The following ADAMTSL3 variants were observed in gnomAD, a reference collection of about 807,000 sequenced individuals.
The protein encoded by ADAMTSL3 is ADAMTS like 3, also known as ADAMTS-like protein 3.
In ADAMTSL3, 128 loss-of-function variants were observed where a neutral mutation model predicts 201.7. The ratio of observed to expected loss-of-function variants is 0.63; its 90% confidence interval spans 0.55 to 0.73. ADAMTSL3 has a LOEUF of 0.73. Among genes scored for constraint, ADAMTSL3 ranks in the 30% least tolerant of loss-of-function variants. The probability of loss-of-function intolerance (pLI) is 0.00; values close to 1 mark genes in which losing one functional copy is unlikely to be tolerated. For synonymous variants in ADAMTSL3, 738 were observed against 748.4 expected (o/e 0.99, Z 0.23); for missense variants, 1,990 against 2,119.6 (o/e 0.94, Z 1.20).
chr15:83,801,663 T>TATATAAATATAA lies in ADAMTSL3; in HGVS notation c.318-2982_318-2981insAATATAAATATA, dbSNP rs1567154095. Among the ~76,000 whole-genome samples the TATATAAATATAA allele has an allele frequency of 3.0e-3, 130 of 43,508 alleles. 1 individual carries two copies. The highest frequency in any genetic ancestry group is 0.011 in the African/African-American group (126 of 11,450). The allele number at this position is 43,508 out of a possible 152,430, so 28.5% of individuals were successfully genotyped here. On this transcript the variant is annotated intron_variant, in intron 4 of 29. Coordinates refer to ENST00000286744, the MANE Select transcript of ADAMTSL3 (RefSeq NM_207517.3). Reference sequence around the variant, plus strand: ...ATATATAAATATAAATATATATATATATATATATATATATATATATATATA... The same window carrying TATATAAATATAA: ...ATATATAAATATAAATATATATATATATATAAATATAAATATATATATATATATATATATATA...
Position 83,890,139 on chromosome 15 carries a change from A to G in ADAMTSL3, c.1103A>G (p.Asp368Gly). 6.2e-7 allele frequency: 1 copy of G among 1,613,582 alleles called. No individual in the cohort carries two copies. The highest frequency in any genetic ancestry group is 8.5e-7 in the Non-Finnish European group (1 of 1,179,754). Reference protein sequence around the residue: ...GYQLNSAECVDIRLKRVVPDH... With the variant: ...GYQLNSAECVGIRLKRVVPDH... ...CAGCTCAATTCTGCTGAATGTGTGG[A>G]TATCCGCTTGAAGAGGGTAGTTCCT... Residue 368 changes from aspartate to glycine, a missense_variant, in exon 11 of 30, where the codon GAT (aspartate) becomes GGT (glycine). By Grantham distance (94) the Asp-to-Gly change is moderately conservative. Coordinates refer to ENST00000286744, the MANE Select transcript of ADAMTSL3 (RefSeq NM_207517.3).
intron 6 of ADAMTSL3, among the ~76,000 whole-genome samples, chr15:83,833,929 A>G (rs1477872770): frequency 1.3e-5 from 2 of 152,214 alleles, no homozygotes; most frequent in Admixed American, 6.5e-5. Context: ...AGAAAACTGG[A>G]TTTTAATGTG....
At chr15:83,938,286 C>T (rs141084227) in intron 17 of ADAMTSL3, among the ~76,000 whole-genome samples, 162 of 152,252 alleles carry the variant, frequency 1.1e-3, no homozygotes, top group African/African-American at 3.5e-3. Context: ...CACTTCCACT[C>T]GGTGGTGGGC....
At chr15:83,764,159 T>G (rs1232982763) in intron 3 of ADAMTSL3, among the ~76,000 whole-genome samples, 2 of 152,190 alleles carry the variant, frequency 1.3e-5, no homozygotes, top group Admixed American at 6.5e-5. Context: ...CTCCAGACAC[T>G]GGTAAATCTA....
intron 9 of ADAMTSL3, among the ~76,000 whole-genome samples, chr15:83,884,831 A>G (rs1025824034): frequency 2.0e-5 from 3 of 152,148 alleles, no homozygotes; most frequent in Admixed American, 6.5e-5. Context: ...AAAAAAGTCT[A>G]CCTACATTTT....
intron 6 of ADAMTSL3, among the ~76,000 whole-genome samples, chr15:83,837,690 T>TC (rs2064301505): frequency 6.6e-6 from 1 of 151,178 alleles, no homozygotes; most frequent in Non-Finnish European, 1.5e-5. Context: ...TGATCCCAGC[T>TC]ACTTGGGAGG....
chr15:83,822,876 T>C (rs1360899457), intron 6 of ADAMTSL3, among the ~76,000 whole-genome samples: 1 of 151,646 alleles, frequency 6.6e-6, no homozygotes, highest in African/African-American at 2.4e-5. Flanking sequence ...CGAGCCGAGA[T>C]CACGCCACTG....
At chr15:83,766,710 G>A (rs1596167454) in intron 3 of ADAMTSL3, among the ~76,000 whole-genome samples, 1 of 152,190 alleles carries the variant, frequency 6.6e-6, no homozygotes, top group South Asian at 2.1e-4. Context: ...GACAGAAAGC[G>A]CTTCTGCCTA....
Position 83,894,154 on chromosome 15 carries a change from T to A in ADAMTSL3, c.1467+1266T>A, listed in dbSNP as rs552052521. ...TGGAATGATTCACTCCATCTGAAGGTGTCAGGAAAGCTTCAGAAAGGAGGT... is the reference window on the plus strand; with the variant it reads ...TGGAATGATTCACTCCATCTGAAGGAGTCAGGAAAGCTTCAGAAAGGAGGT... On this transcript the variant is annotated intron_variant, in intron 13 of 29. Coordinates refer to ENST00000286744, the MANE Select transcript of ADAMTSL3 (RefSeq NM_207517.3). Among the ~76,000 whole-genome samples, 12 of 152,298 alleles carry A rather than the reference T, an allele frequency of 7.9e-5. 1 individual carries two copies. The South Asian group carries it at 2.5e-3, about 32-fold the overall frequency.
intron 18 of ADAMTSL3, 50 bp downstream of exon 18, chr15:83,942,838 G>T: frequency 6.2e-7 from 1 of 1,605,174 alleles, no homozygotes; most frequent in Non-Finnish European, 8.5e-7. Flanking sequence ...GACTGTGAGA[G>T]GCCCTGCACT....
At chr15:83,872,243 G>A (rs1167558581) in intron 9 of ADAMTSL3, among the ~76,000 whole-genome samples, 11 of 151,648 alleles carry the variant, frequency 7.3e-5, no homozygotes, top group Admixed American at 7.2e-4. Flanking sequence ...AGCAATAAGT[G>A]ACTGTAACTG....
At chr15:83,674,597 T>A (rs2061368648) in intron 2 of ADAMTSL3, among the ~76,000 whole-genome samples, 1 of 150,954 alleles carries the variant, frequency 6.6e-6, no homozygotes, top group South Asian at 2.1e-4. Context: ...ATTCTTTGCA[T>A]TTCCATGTAA....
Position 83,773,534 on chromosome 15 carries a change from C to T in ADAMTSL3, c.201C>T (p.Asn67=), listed in dbSNP as rs150289967. ...TYRYDDQTSR[N]TRSDEDKDGN... ...TTTTTAACATCTAGACCTCAAGAAA[C>T]ACTCGTTCAGATGAAGACAAAGATG... is the stretch of plus-strand genomic sequence containing the variant. The change falls in exon 4 of 30, where the codon AAC becomes AAT. Residue 67 remains asparagine (N), a synonymous_variant. Coordinates refer to ENST00000286744, the MANE Select transcript of ADAMTSL3 (RefSeq NM_207517.3). 1.7e-5 allele frequency: 27 copies of T among 1,611,198 alleles called. No individual in the cohort carries two copies. The African/African-American group carries it at 2.1e-4, about 13-fold the overall frequency.
chr15:83,846,930 C>T (rs2064510069), intron 7 of ADAMTSL3, among the ~76,000 whole-genome samples: 1 of 152,236 alleles, frequency 6.6e-6, no homozygotes, highest in Non-Finnish European at 1.5e-5. Context: ...CCATCTCCTG[C>T]ATGCTGTTCC....
intron 19 of ADAMTSL3, 64 bp from the exon 20 acceptor site, chr15:83,970,420 C>A: frequency 6.3e-7 from 1 of 1,591,076 alleles, no homozygotes; most frequent in Non-Finnish European, 8.6e-7. Flanking sequence ...GGAGACTTTG[C>A]TGTTGTTGGC....
At chr15:83,807,128 C>T (rs1202183653) in intron 5 of ADAMTSL3, among the ~76,000 whole-genome samples, 2 of 152,060 alleles carry the variant, frequency 1.3e-5, no homozygotes, top group Non-Finnish European at 2.9e-5. Flanking sequence ...ATAAATTTAA[C>T]CAAGAAGGTA....
rs868163419 is a variant in ADAMTSL3 at position 83,798,816 on chromosome 15, A to C, written c.318-5834A>C. Among the ~76,000 whole-genome samples, 1,362 of 151,106 alleles carry C rather than the reference A, an allele frequency of 9.0e-3. 31 individuals carry two copies. The highest frequency in any genetic ancestry group is 0.031 in the African/African-American group (1,274 of 41,156). On this transcript the variant is annotated intron_variant, in intron 4 of 29. Coordinates refer to ENST00000286744, the MANE Select transcript of ADAMTSL3 (RefSeq NM_207517.3). Reference sequence around the variant, plus strand: ...AGTGGGACTCCGTCTCAAAAAAAAAAAAAAAAAACAAAAAAAAAGGACAAT... The same window carrying C: ...AGTGGGACTCCGTCTCAAAAAAAAACAAAAAAAACAAAAAAAAAGGACAAT...
At chr15:83,716,341 A>G (rs1350342669) in intron 3 of ADAMTSL3, among the ~76,000 whole-genome samples, 1 of 86,918 alleles carries the variant, frequency 1.2e-5, no homozygotes, top group Non-Finnish European at 2.0e-5. Flanking sequence ...TGTCTCTACT[A>G]AAAACACACA....
At chr15:83,817,425 G>A (rs2063786754) in intron 5 of ADAMTSL3, among the ~76,000 whole-genome samples, 1 of 152,174 alleles carries the variant, frequency 6.6e-6, no homozygotes, top group South Asian at 2.1e-4. Flanking sequence ...ATACATTTAA[G>A]TATTTATCTG....
Sources: gnomAD v4.1 joint callset for allele counts (sites outside exome capture counted in the v4.1 genomes callset) on GRCh38, gnomAD v4.1.1 for gene constraint, MANE v1.5 for transcripts, NCBI Gene and HGNC (gene_info 2026-07-23, HGNC 2026-07-21) for gene names.